DYNC2H1: variants seen among roughly 807,000 people sequenced by gnomAD.
The protein encoded by DYNC2H1 is cytoplasmic dynein 2 heavy chain 1.
A neutral mutation model predicts 570.0 loss-of-function variants in DYNC2H1; 410 were observed. The ratio of observed to expected loss-of-function variants is 0.72; its 90% CI spans 0.66 to 0.78. The LOEUF (loss-of-function observed/expected upper bound fraction) is 0.78, where lower values mean the gene tolerates loss of function less well. DYNC2H1 is among the 30% of genes least tolerant of loss of function. The pLI is 0.00. For missense variants in DYNC2H1, 4,865 were observed against 5,046.4 expected (o/e 0.96, Z 1.09); for synonymous variants, 1,688 against 1,677.6 (o/e 1.01, Z -0.15).
chr11:103,173,037 C>T (rs1399986114), intron 34 of DYNC2H1, 45 bp from the exon 35 acceptor site: 2 of 997,198 alleles, frequency 2.0e-6, no homozygotes, highest in Admixed American at 8.4e-5. Flanking sequence ...AATATTTTAA[C>T]TTAATATTTA....
At chr11:103,388,247 T>A (rs1034310541) in intron 83 of DYNC2H1, among the ~76,000 whole-genome samples, 2 of 152,118 alleles carry the variant, frequency 1.3e-5, no homozygotes, top group African/African-American at 4.8e-5. Context: ...TCCTAGGTAT[T>A]TTATTCTCTT....
intron 59 of DYNC2H1, among the ~76,000 whole-genome samples, chr11:103,224,528 C>T (rs533559985): frequency 6.6e-6 from 1 of 152,294 alleles, no homozygotes; most frequent in Admixed American, 6.5e-5. Flanking sequence ...AGATACTTTA[C>T]TTAGAATATT....
At chr11:103,218,679 A>T (rs1277320691) in intron 55 of DYNC2H1, among the ~76,000 whole-genome samples, 2 of 152,098 alleles carry the variant, frequency 1.3e-5, no homozygotes, top group Non-Finnish European at 2.9e-5. Context: ...TGCTTTGTGT[A>T]CTCTCTGGCT....
rs771025541 is a variant in DYNC2H1, at chr11:103,253,330, A to G, written c.10088A>G (p.Asn3363Ser). Residue 3363 changes from asparagine to serine, a missense_variant, in exon 66 of 89, where the codon AAT becomes AGT. Transcript: ENST00000375735. ...ATAGGTGACAAAATTATTGACTACA[A>G]TGAAGAATTCCGCCTCTTTTTGTCA... ...VQIGDKIIDY[N>S]EEFRLFLSTR... 3 of 1,613,376 alleles carry G rather than the reference A, an allele frequency of 1.9e-6. No individual in the cohort carries two copies. The highest frequency in any genetic ancestry group is 1.1e-5 in the South Asian group (1 of 91,048).
rs1860321788 is a variant in DYNC2H1 at position 103,147,871 on chromosome 11, G to T, written c.2802G>T (p.Leu934Phe). The change falls in exon 19 of 89, where the codon TTG becomes TTT. Residue 934 changes from leucine (L) to phenylalanine (F), a missense_variant. Transcript: ENST00000375735. ...TATTTGATCTGCTTGTTCTTTCTTT[G>T]AAGAAGTCCATACAGGGTAAATACA... is the stretch of plus-strand genomic sequence containing the variant. ...QKLFDLLVLS[L>F]KKSIQAHLHE... 4 of 1,607,460 alleles carry T rather than the reference G, an allele frequency of 2.5e-6. No individual in the cohort carries two copies. The highest frequency in any genetic ancestry group is 3.4e-6 in the Non-Finnish European group (4 of 1,175,978).
At chr11:103,282,361 C>CT (rs1310291475) in intron 72 of DYNC2H1, 132 bp downstream of exon 72, 1 of 756,320 alleles carries the variant, frequency 1.3e-6, no homozygotes, top group East Asian at 2.8e-5. Flanking sequence ...AGAATATATT[C>CT]TGGCCTCTTA....
intron 85 of DYNC2H1, among the ~76,000 whole-genome samples, chr11:103,436,721 C>A (rs1565598642): frequency 6.6e-6 from 1 of 152,082 alleles, no homozygotes; most frequent in Non-Finnish European, 1.5e-5. Flanking sequence ...CACCTTTGAA[C>A]CCCTAAGCAT....
At chr11:103,352,410 T>A (rs1431112365) in intron 82 of DYNC2H1, among the ~76,000 whole-genome samples, 5 of 152,248 alleles carry the variant, frequency 3.3e-5, no homozygotes, top group African/African-American at 9.6e-5. Context: ...TTCACTATTC[T>A]ATAAATTTTG....
At position 103,209,476 on chromosome 11, in the gene DYNC2H1, T is replaced by TA. The variant is rs1565397794; in HGVS notation, c.8455-400_8455-399insA. Among the ~76,000 whole-genome samples the TA allele has an allele frequency of 6.6e-6, 1 of 151,900 alleles. No homozygotes were observed. Among genetic ancestry groups the TA allele is most frequent in the Non-Finnish European group, 1.5e-5 (1 of 67,902 alleles). On this transcript the variant is annotated intron_variant, in intron 52 of 88. Coordinates refer to ENST00000375735, the MANE Select transcript of DYNC2H1 (RefSeq NM_001377.3). The surrounding 1 kb of genome is among the most constrained non-coding windows in gnomAD (Gnocchi z 4.2). The stretch of plus-strand genomic sequence containing the variant: ...TTATTTTTATTTAATTTTAGTTTTT[T>TA]TTTGAAAAAGCTAAGAATCCTTGCT...
intron 55 of DYNC2H1, among the ~76,000 whole-genome samples, chr11:103,219,321 T>C (rs1412507503): frequency 6.6e-6 from 1 of 151,916 alleles, no homozygotes; most frequent in Non-Finnish European, 1.5e-5. Context: ...ACCTTGAAAA[T>C]TGTGTATTTC....
chr11:103,284,956 C>A (rs1046233366), intron 73 of DYNC2H1, among the ~76,000 whole-genome samples: 1 of 152,106 alleles, frequency 6.6e-6, no homozygotes, highest in African/African-American at 2.4e-5. Context: ...GGGAAAGCCT[C>A]TGAAAGATGA....
At chr11:103,426,348 T>C (rs1272847225) in intron 84 of DYNC2H1, among the ~76,000 whole-genome samples, 1 of 152,190 alleles carries the variant, frequency 6.6e-6, no homozygotes, top group Non-Finnish European at 1.5e-5. Flanking sequence ...TGTGTGTGTG[T>C]CTTTAATTCC....
At chr11:103,389,460 A>G (rs568231043) in intron 83 of DYNC2H1, among the ~76,000 whole-genome samples, 1 of 152,026 alleles carries the variant, frequency 6.6e-6, no homozygotes, top group African/African-American at 2.4e-5. Context: ...TCCTGGATTC[A>G]TTGATTTCTT....
chr11:103,220,298 T>A (rs1185526584), intron 56 of DYNC2H1, among the ~76,000 whole-genome samples: 1 of 152,196 alleles, frequency 6.6e-6, no homozygotes, highest in Non-Finnish European at 1.5e-5. Context: ...AATTAAGATA[T>A]ACTGTTAAGC....
At chr11:103,438,428 G>A (rs1944137425) in intron 85 of DYNC2H1, among the ~76,000 whole-genome samples, 1 of 152,046 alleles carries the variant, frequency 6.6e-6, no homozygotes, top group South Asian at 2.1e-4. Context: ...GGTGGGCAGG[G>A]AAAATTAGAA....
At chr11:103,442,237 G>T (rs1409812637) in intron 85 of DYNC2H1, among the ~76,000 whole-genome samples, 1 of 151,976 alleles carries the variant, frequency 6.6e-6, no homozygotes, top group Non-Finnish European at 1.5e-5. Flanking sequence ...ACTGTAGTGA[G>T]AAAACATGAA....
At chr11:103,473,609 T>C (rs1010878002) in intron 88 of DYNC2H1, among the ~76,000 whole-genome samples, 1 of 152,224 alleles carries the variant, frequency 6.6e-6, no homozygotes, top group Non-Finnish European at 1.5e-5. Context: ...CAAAGATTAC[T>C]TACCACACAA....
chr11:103,408,935 C>T (rs1942976532), intron 84 of DYNC2H1, among the ~76,000 whole-genome samples: 1 of 152,036 alleles, frequency 6.6e-6, no homozygotes, highest in Admixed American at 6.6e-5. Flanking sequence ...AGGGTCTTCT[C>T]ATCTTGTTTA....
At position 103,191,609 on chromosome 11, in the gene DYNC2H1, T is replaced by C. The variant is rs764822132; in HGVS notation, c.7530T>C (p.Asp2510=). Residue 2510 remains aspartate, a synonymous_variant, in exon 46 of 89, where the codon GAT becomes GAC. Transcript: ENST00000375735. ...GGGTTCTTGGCTTATTTAGATATGA[T>C]TTAGAAGGAGGTGAGTTTTGCTAGT... ...TQWVLGLFRY[D]LEGGSSNHPL... is the part of the protein sequence containing the mutation. 3 of 1,605,352 alleles carry C rather than the reference T, an allele frequency of 1.9e-6. No individual in the cohort carries two copies. Among genetic ancestry groups the C allele is most frequent in the South Asian group, 1.1e-5 (1 of 89,314 alleles).
Sources: allele counts gnomAD v4.1 joint callset (sites outside exome capture counted in the v4.1 genomes callset), GRCh38; gene constraint gnomAD v4.1.1; non-coding constraint Gnocchi (gnomAD v3.1); transcripts MANE v1.5; gene names NCBI Gene and HGNC (gene_info 2026-07-23, HGNC 2026-07-21).